The following VPS35 variants were observed in gnomAD, a reference collection of about 807,000 sequenced individuals.
VPS35 encodes the protein VPS35 retromer complex component.
A neutral mutation model predicts 98.1 loss-of-function variants in VPS35; 21 were observed. The observed-to-expected ratio is 0.21, with a 90% CI of 0.15 to 0.31. The LOEUF is 0.31. VPS35 is among the 10% of genes least tolerant of loss of function. The pLI is 1.00. For missense variants in VPS35, 554 were observed against 950.8 expected (o/e 0.58, Z 5.49); for synonymous variants, 268 against 318.2 (o/e 0.84, Z 1.68).
chr16:46,662,433 G>C lies in VPS35; in HGVS notation c.1877C>G (p.Ala626Gly), dbSNP rs201998902. The change falls in exon 15 of 17, where the codon GCT (alanine) becomes GGT (glycine). Residue 626 changes from alanine to glycine, a missense_variant. This residue lies in a region of VPS35 where 153 missense variants were observed against 211.0 expected (regional missense o/e 0.73). Transcript: ENST00000299138. ...AGTGCCAATGATCAAGGTGATGGCAGCTAGCTGTGCTTTGGAATCGCTGAT... is the reference window on the plus strand; with the variant it reads ...AGTGCCAATGATCAAGGTGATGGCACCTAGCTGTGCTTTGGAATCGCTGAT... ...DEISDSKAQL[A>G]AITLIIGTFE... 1 of 1,614,062 alleles carries C rather than the reference G, an allele frequency of 6.2e-7. No individual in the cohort carries two copies. Among genetic ancestry groups the C allele is most frequent in the Non-Finnish European group, 8.5e-7 (1 of 1,180,054 alleles).
rs200466581 is a variant in VPS35, at chr16:46,673,123, AT to A, written c.1161-652del. On this transcript the variant is annotated intron_variant, in intron 10 of 16. Transcript: ENST00000299138. ...ACATCATTTAGTTTTTTTAATTTAA[AT>A]TTTTTTTATTTTTAATTTTATTTTT... is the stretch of plus-strand genomic sequence containing the variant. 8.5e-3 allele frequency among the ~76,000 whole-genome samples: 1,284 copies of A among 151,778 alleles called. 25 individuals carry two copies. The highest frequency in any genetic ancestry group is 0.029 in the African/African-American group (1,215 of 41,396).
chr16:46,670,236 A>G (rs1387437410), intron 12 of VPS35, among the ~76,000 whole-genome samples: 1 of 152,334 alleles, frequency 6.6e-6, no homozygotes. Context: ...TAATGACCCT[A>G]TCATTAAAGA....
At chr16:46,666,357 G>A (rs1331091873) in intron 13 of VPS35, among the ~76,000 whole-genome samples, 1 of 143,428 alleles carries the variant, frequency 7.0e-6, no homozygotes, top group Non-Finnish European at 1.5e-5. Context: ...CAACCTCTGC[G>A]TCCCGGGTTC....
intron 4 of VPS35, 126 bp from the exon 5 acceptor site, chr16:46,680,979 A>G (rs1966225379): frequency 2.0e-6 from 2 of 1,000,680 alleles, no homozygotes; most frequent in Non-Finnish European, 3.0e-6. Flanking sequence ...CCCGCATGAC[A>G]AGGAAAATAT....
chr16:46,672,036 G>A (rs1966077669), intron 11 of VPS35, among the ~76,000 whole-genome samples, 176 bp from the exon 12 acceptor site: 1 of 152,150 alleles, frequency 6.6e-6, no homozygotes, highest in African/African-American at 2.4e-5. Context: ...CAAAAGTCTG[G>A]AAAGATATGC....
At position 46,662,444 on chromosome 16, in the gene VPS35, T is replaced by C; in HGVS notation, c.1866A>G (p.Lys622=). The stretch of plus-strand genomic sequence containing the variant: ...TCAAGGTGATGGCAGCTAGCTGTGC[T>C]TTGGAATCGCTGATTTCATCTTCAT... ...SLYEDEISDS[K]AQLAAITLII... is the part of the protein sequence containing the mutation. The change falls in exon 15 of 17, where the codon AAA becomes AAG. Residue 622 remains lysine (K), a synonymous_variant. Transcript: ENST00000299138. The C allele has an allele frequency of 1.2e-6, 2 of 1,614,190 alleles. No homozygotes were observed. Among genetic ancestry groups the C allele is most frequent in the Admixed American group, 3.3e-5 (2 of 60,024 alleles).
intron 1 of VPS35, among the ~76,000 whole-genome samples, chr16:46,684,401 C>T (rs1472415277): frequency 6.6e-6 from 1 of 152,196 alleles, no homozygotes; most frequent in Non-Finnish European, 1.5e-5. Flanking sequence ...AAAGACTAAA[C>T]AGTCTAGAAA....
intron 7 of VPS35, among the ~76,000 whole-genome samples, 169 bp from the exon 8 acceptor site, chr16:46,676,861 C>T (rs181200771): frequency 5.7e-4 from 86 of 152,168 alleles, no homozygotes; most frequent in African/African-American, 1.9e-3. Flanking sequence ...CAGAAATATT[C>T]CAATAAACAA....
In VPS35 at chr16:46,686,925, G is replaced by A. The variant is rs115310687; in HGVS notation, c.3+2206C>T. Reference sequence around the variant, plus strand: ...ATGTGCAGAGCAAAGCAAAGATCATGAACTGATCACTTGGAAAACTACTCT... The same window carrying A: ...ATGTGCAGAGCAAAGCAAAGATCATAAACTGATCACTTGGAAAACTACTCT... On this transcript the variant is annotated intron_variant, in intron 1 of 16. Transcript: ENST00000299138. Among the ~76,000 whole-genome samples, 1,198 of 152,334 alleles carry A rather than the reference G, an allele frequency of 7.9e-3. 17 individuals are homozygous for A. The highest frequency in any genetic ancestry group is 0.027 in the African/African-American group (1,136 of 41,562).
Position 46,676,579 on chromosome 16 carries a change from T to C in VPS35, c.914+4A>G. 5 of 1,569,614 alleles carry C rather than the reference T, an allele frequency of 3.2e-6. No individual in the cohort carries two copies. The highest frequency in any genetic ancestry group is 4.4e-6 in the Non-Finnish European group (5 of 1,141,116). On this transcript the variant is annotated splice_donor_region_variant and intron_variant, in intron 8 of 16. Coordinates refer to ENST00000299138, the MANE Select transcript of VPS35 (RefSeq NM_018206.6). ...ATTTATCCGCCAGTGTTGGAAGGTC[T>C]TACCTATCAATTAAAGCAATGATTA...
At position 46,671,701 on chromosome 16, in the gene VPS35, A is replaced by C; in HGVS notation, c.1524+4T>G. 1 of 1,614,130 alleles carries C rather than the reference A, an allele frequency of 6.2e-7. No individual in the cohort carries two copies. Among genetic ancestry groups the C allele is most frequent in the Non-Finnish European group, 8.5e-7 (1 of 1,179,970 alleles). ...ACAGGGATATACTAAGGGTAAACTC[A>C]TACCAAGTACTGCTGGTCAGGGTCC... On this transcript the variant is annotated splice_donor_region_variant and intron_variant, in intron 12 of 16. Transcript: ENST00000299138.
chr16:46,688,813 G>A, intron 1 of VPS35: 1 of 1,364,476 alleles, frequency 7.3e-7, no homozygotes, highest in Non-Finnish European at 9.5e-7. Context: ...CCTCGTGGTA[G>A]GCAGGTGACC....
intron 7 of VPS35, 109 bp from the exon 8 acceptor site, chr16:46,676,801 T>C: frequency 1.3e-6 from 1 of 788,006 alleles, no homozygotes; most frequent in South Asian, 1.5e-5. Context: ...CTTATACAAC[T>C]AAATTCAAAC....
chr16:46,661,007 C>A lies in VPS35; in HGVS notation c.2212-356G>T. 2.8e-6 allele frequency: 1 copy of A among 358,976 alleles called. No homozygotes were observed. 22.2% of individuals were successfully genotyped at this position (358,976 alleles called of 1,614,324 possible). Reference sequence around the variant, plus strand: ...AGTAATAATACAAAAATTAGCTGGGCGTGGTGCCGGGCGCCTATAATACCA... The same window carrying A: ...AGTAATAATACAAAAATTAGCTGGGAGTGGTGCCGGGCGCCTATAATACCA... On this transcript the variant is annotated intron_variant, in intron 16 of 16. Transcript: ENST00000299138. This position sits in a 1 kb window ranked among gnomAD's most constrained non-coding sequence, Gnocchi z 4.3.
At chr16:46,687,105 C>G (rs1966328620) in intron 1 of VPS35, among the ~76,000 whole-genome samples, 1 of 152,172 alleles carries the variant, frequency 6.6e-6, no homozygotes, top group Admixed American at 6.5e-5. Context: ...AGTTTAGATA[C>G]AAATAATTAT....
At position 46,663,186 on chromosome 16, in the gene VPS35, A is replaced by G. The variant is rs2304492; in HGVS notation, c.1648-24T>C. On this transcript the variant is annotated intron_variant, in intron 13 of 16. Coordinates refer to ENST00000299138, the MANE Select transcript of VPS35 (RefSeq NM_018206.6). The stretch of plus-strand genomic sequence containing the variant: ...TCCTAAAACAAGAAAAAACATTTTA[A>G]GTTACCTTAAATTCAAAATTAACTT... 0.57 allele frequency: 920,315 copies of G among 1,602,670 alleles called. 272,601 individuals are homozygous for G. Among genetic ancestry groups the G allele is most frequent in the South Asian group, 0.67 (60,383 of 90,094 alleles).
intron 1 of VPS35, among the ~76,000 whole-genome samples, chr16:46,687,505 G>A (rs1429119312): frequency 1.3e-5 from 2 of 152,022 alleles, no homozygotes; most frequent in Non-Finnish European, 2.9e-5. Context: ...GTTACTTCCT[G>A]TAGTCCTTCC....
chr16:46,687,738 G>C (rs1319739709), intron 1 of VPS35, among the ~76,000 whole-genome samples: 2 of 152,120 alleles, frequency 1.3e-5, no homozygotes, highest in African/African-American at 4.8e-5. Context: ...GGGCTGGGAA[G>C]GGCCAAAGGG....
intron 16 of VPS35, 156 bp from the exon 17 acceptor site, chr16:46,660,807 A>G (rs200622483): frequency 1.9e-6 from 1 of 513,088 alleles, no homozygotes; most frequent in Admixed American, 2.5e-5. Context: ...TAGTTTGAAC[A>G]ATTACTGACT....
Sources: gnomAD v4.1 joint callset for allele counts (sites outside exome capture counted in the v4.1 genomes callset) on GRCh38, gnomAD v4.1.1 for gene constraint, gnomAD v4.1.1 regional missense constraint, Gnocchi (gnomAD v3.1) non-coding constraint, MANE v1.5 for transcripts, NCBI Gene and HGNC (gene_info 2026-07-23, HGNC 2026-07-21) for gene names.